NCKAP5: variants seen among roughly 807,000 people sequenced by gnomAD.
NCKAP5 encodes the protein NCK associated protein 5, also known as nck-associated protein 5.
Under a neutral mutation model 167.0 loss-of-function variants are expected in NCKAP5, and 92 were observed. The observed-to-expected ratio is 0.55, with a 90% CI of 0.47 to 0.66. The LOEUF is 0.66. Ranked by LOEUF, NCKAP5 falls within the 30% of genes least tolerant of loss-of-function variation. The probability of loss-of-function intolerance (pLI) is 0.00; values close to 1 mark genes in which losing one functional copy is unlikely to be tolerated. For synonymous variants in NCKAP5, 891 were observed against 877.4 expected (o/e 1.02, Z -0.27); for missense variants, 2,378 against 2,315.0 (o/e 1.03, Z -0.56).
chr2:132,998,299 T>C (rs2077668295), intron 6 of NCKAP5, among the ~76,000 whole-genome samples: 1 of 152,200 alleles, frequency 6.6e-6, no homozygotes, highest in Non-Finnish European at 1.5e-5. Flanking sequence ...CTTTCCCCCA[T>C]TTTTCTTGGC....
chr2:133,483,084 A>C (rs1001063085), intron 3 of NCKAP5, among the ~76,000 whole-genome samples: 3 of 152,126 alleles, frequency 2.0e-5, no homozygotes, highest in African/African-American at 7.2e-5. Flanking sequence ...TTATCTATCT[A>C]TCTATCTAGC....
intron 4 of NCKAP5, among the ~76,000 whole-genome samples, chr2:133,234,345 C>T (rs576442254): frequency 4.5e-4 from 69 of 152,284 alleles, no homozygotes; most frequent in Middle Eastern, 6.8e-3. Flanking sequence ...GAACACATTG[C>T]GGGGCTCTTA....
At chr2:132,728,510 C>G (rs375752569) in intron 18 of NCKAP5, among the ~76,000 whole-genome samples, 2 of 152,146 alleles carry the variant, frequency 1.3e-5, no homozygotes, top group Non-Finnish European at 2.9e-5. Context: ...TCCAATGGCG[C>G]CCACATGGCT....
intron 4 of NCKAP5, chr2:133,266,049 T>C (rs979845424): frequency 3.9e-5 from 6 of 152,360 alleles, no homozygotes; most frequent in African/African-American, 1.2e-4. Flanking sequence ...GAAGTGTTTC[T>C]GCACGTGTGT....
intron 3 of NCKAP5, among the ~76,000 whole-genome samples, chr2:133,313,451 T>C (rs1263836431): frequency 6.6e-6 from 1 of 152,212 alleles, no homozygotes; most frequent in Admixed American, 6.5e-5. Context: ...AAAGATGCTA[T>C]TACTAATACT....
chr2:133,654,109 C>T, the NCKAP5 span, among the ~76,000 whole-genome samples: 3 of 152,036 alleles, frequency 2.0e-5, no homozygotes, highest in East Asian at 1.9e-4. Context: ...CTCAGCTGGG[C>T]GCGCTGGCTC....
At chr2:133,112,874 A>G (rs1435366021) in intron 6 of NCKAP5, among the ~76,000 whole-genome samples, 1 of 152,192 alleles carries the variant, frequency 6.6e-6, no homozygotes, top group Non-Finnish European at 1.5e-5. Flanking sequence ...TGACTGTTTT[A>G]TTTCTATTAG....
At chr2:133,638,097 G>A in the NCKAP5 span, among the ~76,000 whole-genome samples, 1 of 152,126 alleles carries the variant, frequency 6.6e-6, no homozygotes, top group Admixed American at 6.6e-5. Flanking sequence ...ATACCTAGCT[G>A]AATCCTCACT....
intron 19 of NCKAP5, among the ~76,000 whole-genome samples, chr2:132,679,028 C>G (rs906775854): frequency 9.9e-5 from 15 of 152,072 alleles, no homozygotes; most frequent in Non-Finnish European, 1.9e-4. Context: ...AACCCTAACA[C>G]CCCCTTCCCT....
intron 3 of NCKAP5, among the ~76,000 whole-genome samples, chr2:133,331,151 T>C (rs1283736187): frequency 6.6e-6 from 1 of 152,208 alleles, no homozygotes; most frequent in Non-Finnish European, 1.5e-5. Flanking sequence ...TTTTAGGCTA[T>C]AATTAGTATT....
intron 18 of NCKAP5, among the ~76,000 whole-genome samples, chr2:132,726,507 C>G (rs933313073): frequency 1.3e-4 from 20 of 152,160 alleles, no homozygotes; most frequent in African/African-American, 4.1e-4. Context: ...AGCGCAACTC[C>G]TATGTGTTGA....
At chr2:132,716,839 A>C (rs17325076) in intron 19 of NCKAP5, among the ~76,000 whole-genome samples, 10,488 of 152,236 alleles carry the variant, frequency 0.069, 413 homozygotes, top group Middle Eastern at 0.12. Context: ...TTAAATAATT[A>C]AATGCAAGTC....
chr2:133,311,075 C>T (rs924631864), intron 3 of NCKAP5, among the ~76,000 whole-genome samples: 3 of 152,160 alleles, frequency 2.0e-5, no homozygotes, highest in African/African-American at 7.2e-5. Context: ...CACGATCTAC[C>T]TGGAGATAGC....
At chr2:132,795,536 G>A (rs902189664) in intron 12 of NCKAP5, among the ~76,000 whole-genome samples, 1 of 152,162 alleles carries the variant, frequency 6.6e-6, no homozygotes, top group African/African-American at 2.4e-5. Flanking sequence ...AGATAATGAA[G>A]CTGGCCCAGT....
chr2:132,727,215 C>T (rs1298395964), intron 18 of NCKAP5, among the ~76,000 whole-genome samples: 1 of 151,728 alleles, frequency 6.6e-6, no homozygotes, highest in Non-Finnish European at 1.5e-5. Flanking sequence ...GCAAGAGTAA[C>T]TTTTTTTTTC....
At chr2:132,904,921 GTTTCTGATA>G (rs1415343312) in intron 8 of NCKAP5, among the ~76,000 whole-genome samples, 4 of 151,940 alleles carry the variant, frequency 2.6e-5, no homozygotes, top group Non-Finnish European at 5.9e-5. Flanking sequence ...CTTTAATGTT[GTTTCTGATA>G]TTTCTGATAT....
chr2:133,376,118 T>C (rs2150929859), intron 3 of NCKAP5, among the ~76,000 whole-genome samples: 1 of 152,274 alleles, frequency 6.6e-6, no homozygotes, highest in South Asian at 2.1e-4. Context: ...AGTAGACATC[T>C]ATTGAAAGAA....
intron 6 of NCKAP5, among the ~76,000 whole-genome samples, chr2:133,089,362 T>C (rs1033244431): frequency 3.3e-5 from 5 of 152,240 alleles, no homozygotes; most frequent in Non-Finnish European, 2.9e-5. Flanking sequence ...TTGAGTTTCA[T>C]GTGTCTCCAC....
chr2:132,851,209 A>G (rs1689051882), intron 11 of NCKAP5, among the ~76,000 whole-genome samples: 1 of 152,146 alleles, frequency 6.6e-6, no homozygotes. Context: ...AAGTTTCACA[A>G]AAGTGCACTA....
Sources: allele counts gnomAD v4.1 joint callset (sites outside exome capture counted in the v4.1 genomes callset), GRCh38; gene constraint gnomAD v4.1.1; transcripts MANE v1.5; gene names NCBI Gene and HGNC (gene_info 2026-07-23, HGNC 2026-07-21).